The following EPDR1 variants were observed in gnomAD, a reference collection of about 807,000 sequenced individuals.
EPDR1 encodes the protein mammalian ependymin-related protein 1.
A neutral mutation model predicts 23.7 loss-of-function variants in EPDR1; 27 were observed. The observed-to-expected ratio is 1.14, with a 90% CI of 0.84 to 1.57. The LOEUF (loss-of-function observed/expected upper bound fraction) is 1.57, where lower values mean the gene tolerates loss of function less well. Ranked by LOEUF, EPDR1 falls within the 40% of genes most tolerant of loss-of-function variation. The pLI is 0.00. For missense variants in EPDR1, 349 were observed against 290.4 expected (o/e 1.20, Z -1.47); for synonymous variants, 137 against 118.2 (o/e 1.16, Z -1.03).
At chr7:37,942,830 T>C (rs1786196406) in intron 1 of EPDR1, among the ~76,000 whole-genome samples, 2 of 152,234 alleles carry the variant, frequency 1.3e-5, no homozygotes, top group South Asian at 2.1e-4. Context: ...AGATTTTCGG[T>C]GTTTCAGAAA....
At chr7:37,921,998 A>G (rs1238326849) in intron 1 of EPDR1, among the ~76,000 whole-genome samples, 2 of 152,210 alleles carry the variant, frequency 1.3e-5, no homozygotes, top group Non-Finnish European at 2.9e-5. Flanking sequence ...GTTGTGACAA[A>G]GGAAACCCTC....
At chr7:37,933,233 T>C (rs1430265898) in intron 1 of EPDR1, among the ~76,000 whole-genome samples, 1 of 152,282 alleles carries the variant, frequency 6.6e-6, no homozygotes, top group Non-Finnish European at 1.5e-5. Flanking sequence ...GCATTACTAA[T>C]CTATTATAGT....
chr7:37,921,027 C>A lies in EPDR1; in HGVS notation c.88C>A (p.Leu30Met). ...CCTCTGGGCCTGGACCCTGTGCGGC[C>A]TGTGCAGCCTGGGGGCGGTGGGAGC... ...GGLWAWTLCG[L>M]CSLGAVGAPR... is the part of the protein sequence containing the mutation. Residue 30 changes from leucine (L) to methionine (M), a missense_variant, in exon 1 of 3, where the codon CTG becomes ATG. Physicochemically the swap from Leu to Met is conservative, Grantham distance 15. Coordinates refer to ENST00000199448, the MANE Select transcript of EPDR1 (RefSeq NM_017549.5). The A allele has an allele frequency of 6.6e-7, 1 of 1,523,076 alleles. No individual in the cohort carries two copies. Among genetic ancestry groups the A allele is most frequent in the African/African-American group, 1.4e-5 (1 of 72,370 alleles). The allele number at this position is 1,523,076 out of a possible 1,614,324, so 94.3% of individuals were successfully genotyped here.
intron 1 of EPDR1, among the ~76,000 whole-genome samples, chr7:37,936,100 A>G (rs1786046461): frequency 6.8e-6 from 1 of 146,364 alleles, no homozygotes; most frequent in East Asian, 2.0e-4. Context: ...ATGAATATTG[A>G]TATAATAAGT....
chr7:37,948,729 G>C (rs1486243074), intron 1 of EPDR1, 111 bp from the exon 2 acceptor site: 17 of 772,080 alleles, frequency 2.2e-5, no homozygotes, highest in Middle Eastern at 3.6e-4. Context: ...TGCCTAGCTA[G>C]TAATTTCTTT....
rs543383328 is a variant in EPDR1, at chr7:37,949,360, C to T, written c.478+312C>T. Among the ~76,000 whole-genome samples the T allele has an allele frequency of 3.4e-4, 52 of 152,296 alleles. 1 individual carries two copies. The highest frequency in any genetic ancestry group is 1.2e-3 in the African/African-American group (49 of 41,568). ...ATGGAAGGCATCTGTCTAAGGCACA[C>T]ATTTGAATTGGGTGCCTCCTTTTCT... On this transcript the variant is annotated intron_variant, in intron 2 of 2. Transcript: ENST00000199448.
intron 1 of EPDR1, among the ~76,000 whole-genome samples, chr7:37,933,959 C>G (rs1389980240): frequency 6.6e-6 from 1 of 151,714 alleles, no homozygotes; most frequent in African/African-American, 2.4e-5. Flanking sequence ...TTATCTGCAT[C>G]CACTTATTCT....
At chr7:37,928,634 T>G (rs1286168575) in intron 1 of EPDR1, among the ~76,000 whole-genome samples, 1 of 152,220 alleles carries the variant, frequency 6.6e-6, no homozygotes, top group East Asian at 1.9e-4. Flanking sequence ...TCCCCAATCT[T>G]GATGCACTGT....
At position 37,950,502 on chromosome 7, in the gene EPDR1, T is replaced by C; in HGVS notation, c.*106T>C. ...TGTGAATGCTAATTGGAGAGAAATATAATTTTAGGAAGATGCACATTGATG... is the reference window on the plus strand; with the variant it reads ...TGTGAATGCTAATTGGAGAGAAATACAATTTTAGGAAGATGCACATTGATG... On this transcript the variant is annotated 3_prime_UTR_variant, in exon 3 of 3. Transcript: ENST00000199448. The C allele has an allele frequency of 9.3e-7, 1 of 1,076,508 alleles. No individual in the cohort carries two copies. The highest frequency in any genetic ancestry group is 1.3e-6 in the Non-Finnish European group (1 of 762,486). 66.7% of individuals were successfully genotyped at this position (1,076,508 alleles called of 1,614,324 possible). A position where few individuals can be genotyped will look rare whatever the true frequency, so the allele number is the denominator to read the frequency against.
chr7:37,921,434 C>T (rs967018842), intron 1 of EPDR1: 1 of 1,383,930 alleles, frequency 7.2e-7, no homozygotes, highest in Non-Finnish European at 9.3e-7. Flanking sequence ...TCAGTAACAC[C>T]CAGCGAGGCG....
chr7:37,921,136 T>C lies in EPDR1; in HGVS notation c.197T>C (p.Leu66Pro), dbSNP rs756872349. ...AGTAGCGGGCGCAACAGCCGCGCCC[T>C]GCTCTCCTACGACGGGCTCAACCAG... ...QQSSGRNSRA[L>P]LSYDGLNQRV... The change falls in exon 1 of 3, where the codon CTG (leucine) becomes CCG (proline). Residue 66 changes from leucine (L) to proline (P), a missense_variant. Coordinates refer to ENST00000199448, the MANE Select transcript of EPDR1 (RefSeq NM_017549.5). The C allele has an allele frequency of 1.2e-5, 19 of 1,596,274 alleles. No homozygotes were observed. The highest frequency in any genetic ancestry group is 1.6e-5 in the Non-Finnish European group (19 of 1,178,780).
At chr7:37,945,860 T>C (rs1166752709) in intron 1 of EPDR1, among the ~76,000 whole-genome samples, 2 of 152,174 alleles carry the variant, frequency 1.3e-5, no homozygotes, top group African/African-American at 2.4e-5. Context: ...TAGCTATTCT[T>C]ACTGATGCTC....
intron 1 of EPDR1, among the ~76,000 whole-genome samples, chr7:37,931,986 G>A (rs896769524): frequency 5.3e-5 from 8 of 152,166 alleles, no homozygotes; most frequent in East Asian, 1.9e-4. Flanking sequence ...GGGATTACAC[G>A]CGTGAGCCAC....
intron 1 of EPDR1, among the ~76,000 whole-genome samples, chr7:37,935,076 A>C (rs1218335817): frequency 6.6e-6 from 1 of 152,260 alleles, no homozygotes; most frequent in Non-Finnish European, 1.5e-5. Context: ...ATACAGGAGA[A>C]TATGCATAGG....
At chr7:37,945,095 A>G (rs1213522311) in intron 1 of EPDR1, among the ~76,000 whole-genome samples, 2 of 152,216 alleles carry the variant, frequency 1.3e-5, no homozygotes, top group Non-Finnish European at 2.9e-5. Flanking sequence ...AACAATTCCC[A>G]TATTTACAAA....
At chr7:37,936,119 G>T (rs1311742982) in intron 1 of EPDR1, among the ~76,000 whole-genome samples, 1 of 128,674 alleles carries the variant, frequency 7.8e-6, no homozygotes, top group East Asian at 2.2e-4. Flanking sequence ...GTGATTAAAA[G>T]TTCCTTAATA....
At position 37,948,983 on chromosome 7, in the gene EPDR1, C is replaced by A; in HGVS notation, c.413C>A (p.Ser138Tyr). The A allele has an allele frequency of 6.2e-7, 1 of 1,614,134 alleles. No homozygotes were observed. Among genetic ancestry groups the A allele is most frequent in the Non-Finnish European group, 8.5e-7 (1 of 1,180,016 alleles). Reference protein sequence around the residue: ...PQNSTFEDQYSIGGPQEQITV... With the variant: ...PQNSTFEDQYYIGGPQEQITV... Reference sequence around the variant, plus strand: ...AACTCCACCTTTGAAGACCAGTACTCCATCGGGGGGCCTCAGGAGCAGATC... The same window carrying A: ...AACTCCACCTTTGAAGACCAGTACTACATCGGGGGGCCTCAGGAGCAGATC... Residue 138 changes from serine (S) to tyrosine (Y), a missense_variant, in exon 2 of 3, where the codon TCC (serine) becomes TAC (tyrosine). Physicochemically the swap from Ser to Tyr is moderately radical, Grantham distance 144. Coordinates refer to ENST00000199448, the MANE Select transcript of EPDR1 (RefSeq NM_017549.5).
intron 1 of EPDR1, among the ~76,000 whole-genome samples, chr7:37,948,462 A>G (rs1786327370): frequency 1.3e-5 from 2 of 151,014 alleles, no homozygotes; most frequent in African/African-American, 4.9e-5. Context: ...TCTTACTTCA[A>G]CCTCCCAAGT....
At chr7:37,943,547 A>T (rs1786212515) in intron 1 of EPDR1, among the ~76,000 whole-genome samples, 1 of 152,340 alleles carries the variant, frequency 6.6e-6, no homozygotes, top group South Asian at 2.1e-4. Flanking sequence ...ATGTTTTCTA[A>T]AATTTGTCAT....
Sources: gnomAD v4.1 joint callset for allele counts (sites outside exome capture counted in the v4.1 genomes callset) on GRCh38, gnomAD v4.1.1 for gene constraint, MANE v1.5 for transcripts, NCBI Gene and HGNC (gene_info 2026-07-23, HGNC 2026-07-21) for gene names.